FOSL2: variants seen among roughly 807,000 people sequenced by gnomAD.
FOSL2 encodes fos-related antigen 2.
A neutral mutation model predicts 27.7 loss-of-function variants in FOSL2; 3 were observed. That is an observed-to-expected ratio of 0.11 (90% CI 0.05 to 0.28). The LOEUF (loss-of-function observed/expected upper bound fraction) is 0.28. Among genes scored for constraint, FOSL2 ranks in the 10% least tolerant of loss-of-function variants. The pLI, the probability that FOSL2 is intolerant of heterozygous loss-of-function variation, is 1.00. For missense variants in FOSL2, 333 were observed against 445.1 expected (o/e 0.75, Z 2.27); for synonymous variants, 179 against 190.1 (o/e 0.94, Z 0.48).
rs1037049173 is a variant in FOSL2, at chr2:28,393,901, C to CT, written c.102+83dup. 7.9e-6 allele frequency: 8 copies of CT among 1,008,746 alleles called. No individual in the cohort carries two copies. Among genetic ancestry groups the CT allele is most frequent in the Non-Finnish European group, 1.2e-5 (8 of 687,628 alleles). The allele number at this position is 1,008,746 out of a possible 1,614,324, so 62.5% of individuals were successfully genotyped here. A position where few individuals can be genotyped will look rare whatever the true frequency, so the allele number is the denominator to read the frequency against. On this transcript the variant is annotated intron_variant, in intron 1 of 3. Coordinates refer to ENST00000264716, the MANE Select transcript of FOSL2 (RefSeq NM_005253.4). The surrounding 1 kb of genome is among the most constrained non-coding windows in gnomAD (Gnocchi z 4.6). ...TCGCCGCCACTGCCTCTTTTGCTTT[C>CT]TTTTCTTTTTCTTGGCGAGAAAATA...
At chr2:28,403,794 G>A (rs1664021590) in intron 1 of FOSL2, among the ~76,000 whole-genome samples, 2 of 152,204 alleles carry the variant, frequency 1.3e-5, no homozygotes, top group Admixed American at 6.5e-5. Flanking sequence ...CCGAGTGTGA[G>A]TGCTGGGGAC....
In FOSL2 at chr2:28,413,436, C is replaced by T. The variant is rs755978360; in HGVS notation, c.*988C>T. 24 of 398,424 alleles carry T rather than the reference C, an allele frequency of 6.0e-5. No homozygotes were observed. The highest frequency in any genetic ancestry group is 3.8e-4 in the South Asian group (3 of 7,810). 24.7% of individuals were successfully genotyped at this position (398,424 alleles called of 1,614,324 possible). On this transcript the variant is annotated 3_prime_UTR_variant, in exon 4 of 4. Coordinates refer to ENST00000264716, the MANE Select transcript of FOSL2 (RefSeq NM_005253.4). Reference sequence around the variant, plus strand: ...TATACTCCAAGTCCCTGCCGGGCTCCGCCTTTCCCCCACCCTGGCTCTCAG... The same window carrying T: ...TATACTCCAAGTCCCTGCCGGGCTCTGCCTTTCCCCCACCCTGGCTCTCAG...
intron 1 of FOSL2, among the ~76,000 whole-genome samples, chr2:28,403,301 C>T (rs751313850): frequency 2.6e-5 from 4 of 152,134 alleles, no homozygotes; most frequent in Middle Eastern, 3.2e-3. Context: ...AGCTCTGCAA[C>T]GTGGTCTGGG....
chr2:28,399,844 T>C (rs150957057), intron 1 of FOSL2, among the ~76,000 whole-genome samples: 282 of 152,284 alleles, frequency 1.9e-3, no homozygotes, highest in African/African-American at 6.5e-3. Context: ...TCCTGCCTAT[T>C]TGTTTACATG....
chr2:28,406,146 C>T (rs1474052173), intron 2 of FOSL2, among the ~76,000 whole-genome samples: 1 of 151,656 alleles, frequency 6.6e-6, no homozygotes. Context: ...ACCTCCTCCA[C>T]CTCCGCGGTT....
Position 28,393,868 on chromosome 2 carries a change from C to A in FOSL2, c.102+46C>A. 3 of 1,314,608 alleles carry A rather than the reference C, an allele frequency of 2.3e-6. No individual in the cohort carries two copies. Among genetic ancestry groups the A allele is most frequent in the South Asian group, 1.3e-5 (1 of 77,434 alleles). 81.4% of individuals were successfully genotyped at this position (1,314,608 alleles called of 1,614,324 possible). A position where few individuals can be genotyped will look rare whatever the true frequency, so the allele number is the denominator to read the frequency against. ...ACCTGGCGGCGCGGGCGGACCCCTG[C>A]CCTCTTCTCGCCGCCACTGCCTCTT... On this transcript the variant is annotated intron_variant, in intron 1 of 3. Transcript: ENST00000264716. The surrounding 1 kb of genome is among the most constrained non-coding windows in gnomAD (Gnocchi z 4.6).
Position 28,404,274 on chromosome 2 carries a change from T to C in FOSL2, c.270T>C (p.Ser90=). The C allele has an allele frequency of 6.2e-7, 1 of 1,614,198 alleles. No individual in the cohort carries two copies. Among genetic ancestry groups the C allele is most frequent in the Non-Finnish European group, 8.5e-7 (1 of 1,180,038 alleles). The change falls in exon 2 of 4, where the codon TCT becomes TCC. Residue 90 remains serine (S), a synonymous_variant. Coordinates refer to ENST00000264716, the MANE Select transcript of FOSL2 (RefSeq NM_005253.4). The surrounding 1 kb of genome is among the most constrained non-coding windows in gnomAD (Gnocchi z 4.7). ...HPYSPLPGLA[S]VPGHMALPRP... ...ACAGCCCCCTGCCGGGCCTGGCCTCTGTCCCTGGACACATGGCCCTCCCAA... is the reference window on the plus strand; with the variant it reads ...ACAGCCCCCTGCCGGGCCTGGCCTCCGTCCCTGGACACATGGCCCTCCCAA...
In FOSL2 at chr2:28,413,762, T is replaced by C. The variant is rs1664256545; in HGVS notation, c.*1314T>C. 5.0e-6 allele frequency: 2 copies of C among 398,800 alleles called. No individual in the cohort carries two copies. The highest frequency in any genetic ancestry group is 1.3e-4 in the South Asian group (1 of 7,874). The allele number at this position is 398,800 out of a possible 1,614,324, so 24.7% of individuals were successfully genotyped here. Reference sequence around the variant, plus strand: ...CTCCCCTGTCCCCACCCCAGTGCACTCTTCTGGCCCAGGCAGCAAGCAAGC... The same window carrying C: ...CTCCCCTGTCCCCACCCCAGTGCACCCTTCTGGCCCAGGCAGCAAGCAAGC... On this transcript the variant is annotated 3_prime_UTR_variant, in exon 4 of 4. Transcript: ENST00000264716.
At chr2:28,405,221 A>C (rs1297049789) in intron 2 of FOSL2, among the ~76,000 whole-genome samples, 2 of 152,178 alleles carry the variant, frequency 1.3e-5, no homozygotes, top group Non-Finnish European at 2.9e-5. Flanking sequence ...ATAAAGCCTC[A>C]GAGAGCCCCA....
intron 1 of FOSL2, among the ~76,000 whole-genome samples, chr2:28,402,669 G>A (rs1663996744): frequency 6.6e-6 from 1 of 152,166 alleles, no homozygotes; most frequent in African/African-American, 2.4e-5. Context: ...GTCTATAGGG[G>A]ATGACCTGAC....
rs1248462650 is a variant in FOSL2 at position 28,412,288 on chromosome 2, C to T, written c.821C>T (p.Thr274Ile). 3 of 1,614,132 alleles carry T rather than the reference C, an allele frequency of 1.9e-6. No individual in the cohort carries two copies. The highest frequency in any genetic ancestry group is 2.5e-6 in the Non-Finnish European group (3 of 1,180,016). Residue 274 changes from threonine to isoleucine, a missense_variant, in exon 4 of 4, where the codon ACT (threonine) becomes ATT (isoleucine). By Grantham distance (89) the Thr-to-Ile change is moderately conservative. Around this residue, in one of 4 missense-constraint regions of FOSL2, gnomAD observed 136 missense variants for 123.7 expected, o/e 1.10. Coordinates refer to ENST00000264716, the MANE Select transcript of FOSL2 (RefSeq NM_005253.4). The surrounding 1 kb of genome is among the most constrained non-coding windows in gnomAD (Gnocchi z 7.1). ...GTGGTGACCTCCACACCTGCTGTCACTCCGGGCACCTCGAACCTCGTCTTC... is the reference window on the plus strand; with the variant it reads ...GTGGTGACCTCCACACCTGCTGTCATTCCGGGCACCTCGAACCTCGTCTTC... ...PIVVTSTPAVTPGTSNLVFTY... is the reference protein window; with the variant it reads ...PIVVTSTPAVIPGTSNLVFTY...
Position 28,408,424 on chromosome 2 carries a change from C to G in FOSL2, c.355-335C>G, listed in dbSNP as rs967648299. On this transcript the variant is annotated intron_variant, in intron 2 of 3. Transcript: ENST00000264716. The surrounding 1 kb of genome is among the most constrained non-coding windows in gnomAD (Gnocchi z 4.1). ...GAGAAGCATCCCCAGCTCCTTCTCT[C>G]TGGCCTGAGCACTGAATCAGGGCTG... Among the ~76,000 whole-genome samples, 17 of 152,250 alleles carry G rather than the reference C, an allele frequency of 1.1e-4. No homozygotes were observed. Among genetic ancestry groups the G allele is most frequent in the African/African-American group, 3.9e-4 (16 of 41,472 alleles).
In FOSL2 at chr2:28,392,985, G is replaced by T; in HGVS notation, c.-736G>T. 1 of 661,618 alleles carries T rather than the reference G, an allele frequency of 1.5e-6. No individual in the cohort carries two copies. Among genetic ancestry groups the T allele is most frequent in the South Asian group, 1.6e-5 (1 of 63,858 alleles). The allele number at this position is 661,618 out of a possible 1,614,324, so 41.0% of individuals were successfully genotyped here. ...GAGAGAGGGAGAGGCGCGGCCGGGC[G>T]AGGCGGGCCCGTCCGGGAGCGGGCT... On this transcript the variant is annotated 5_prime_UTR_variant, in exon 1 of 4. Transcript: ENST00000264716.
At position 28,393,881 on chromosome 2, in the gene FOSL2, G is replaced by T. The variant is rs1038623330; in HGVS notation, c.102+59G>T. ...GGCGGACCCCTGCCCTCTTCTCGCC[G>T]CCACTGCCTCTTTTGCTTTCTTTTC... On this transcript the variant is annotated intron_variant, in intron 1 of 3. Transcript: ENST00000264716. This position sits in a 1 kb window ranked among gnomAD's most constrained non-coding sequence, Gnocchi z 4.6. 1.8e-6 allele frequency: 2 copies of T among 1,100,302 alleles called. No individual in the cohort carries two copies. The highest frequency in any genetic ancestry group is 2.6e-6 in the Non-Finnish European group (2 of 759,652). The allele number at this position is 1,100,302 out of a possible 1,614,324, so 68.2% of individuals were successfully genotyped here.
At position 28,404,505 on chromosome 2, in the gene FOSL2, T is replaced by C; in HGVS notation, c.354+147T>C. The C allele has an allele frequency of 1.0e-6, 1 of 1,004,406 alleles. No individual in the cohort carries two copies. The highest frequency in any genetic ancestry group is 1.4e-6 in the Non-Finnish European group (1 of 695,808). The allele number at this position is 1,004,406 out of a possible 1,614,324, so 62.2% of individuals were successfully genotyped here. On this transcript the variant is annotated intron_variant, in intron 2 of 3. Transcript: ENST00000264716. This position sits in a 1 kb window ranked among gnomAD's most constrained non-coding sequence, Gnocchi z 4.7. ...GGGGTCGAAGAGCACGTCATCCCCCTTACTGGAGGCCGAGCTGGAGAGCCA... is the reference window on the plus strand; with the variant it reads ...GGGGTCGAAGAGCACGTCATCCCCCCTACTGGAGGCCGAGCTGGAGAGCCA...
chr2:28,395,761 C>G (rs1424957572), intron 1 of FOSL2: 2 of 152,194 alleles, frequency 1.3e-5, no homozygotes, highest in Non-Finnish European at 2.9e-5. Flanking sequence ...CCTTTCAAAC[C>G]GGAGGGATTG....
At chr2:28,400,659 A>T (rs1028071621) in intron 1 of FOSL2, among the ~76,000 whole-genome samples, 8 of 152,168 alleles carry the variant, frequency 5.3e-5, no homozygotes, top group African/African-American at 1.7e-4. Flanking sequence ...CAAGGTGTAC[A>T]TGCGTTTCAG....
intron 3 of FOSL2, among the ~76,000 whole-genome samples, chr2:28,410,130 G>A (rs1664161426): frequency 6.6e-6 from 1 of 152,228 alleles, no homozygotes; most frequent in Admixed American, 6.5e-5. Context: ...CTGGGGTGTT[G>A]AATGAATTGA....
rs1188194167 is a variant in FOSL2 at position 28,412,207 on chromosome 2, A to T, written c.740A>T (p.Lys247Met). ...GACAAGGCCCAGCGCTCTGTCATCA[A>T]GCCCATCAGCATTGCTGGGGGCTTC... is the stretch of plus-strand genomic sequence containing the variant. ...GLDKAQRSVI[K>M]PISIAGGFYG... is the part of the protein sequence containing the mutation. The change falls in exon 4 of 4, where the codon AAG becomes ATG. Residue 247 changes from lysine (K) to methionine (M), a missense_variant. Lys to Met is a moderately conservative substitution (Grantham distance 95). Coordinates refer to ENST00000264716, the MANE Select transcript of FOSL2 (RefSeq NM_005253.4). The surrounding 1 kb of genome is among the most constrained non-coding windows in gnomAD (Gnocchi z 7.1). The T allele has an allele frequency of 1.2e-6, 2 of 1,613,288 alleles. No individual in the cohort carries two copies. The highest frequency in any genetic ancestry group is 3.3e-5 in the Admixed American group (2 of 60,012).
Sources: allele counts gnomAD v4.1 joint callset (sites outside exome capture counted in the v4.1 genomes callset), GRCh38; gene constraint gnomAD v4.1.1; regional missense constraint gnomAD v4.1.1; non-coding constraint Gnocchi (gnomAD v3.1); transcripts MANE v1.5; gene names NCBI Gene and HGNC (gene_info 2026-07-23, HGNC 2026-07-21).